IL1RAPL1: variants seen among roughly 807,000 people sequenced by gnomAD.
IL1RAPL1 encodes interleukin-1 receptor accessory protein-like 1.
IL1RAPL1 carries 3 observed loss-of-function variants against 48.4 expected under a neutral mutation model. That is an observed-to-expected ratio of 0.06 (90% CI 0.03 to 0.16). IL1RAPL1 has a LOEUF of 0.16. Among genes scored for constraint, IL1RAPL1 ranks in the 10% least tolerant of loss-of-function variants. The pLI is 1.00. For synonymous variants in IL1RAPL1, 185 were observed against 187.7 expected (o/e 0.99, Z 0.12); for missense variants, 349 against 530.6 (o/e 0.66, Z 3.36).
chrX:29,388,636 A>G (rs1434093507), intron 3 of IL1RAPL1, among the ~76,000 whole-genome samples: 2 of 112,324 alleles, frequency 1.8e-5, no homozygotes, highest in African/African-American at 6.5e-5. Flanking sequence ...TACAGCGTGG[A>G]TGAACCTTGA....
intron 3 of IL1RAPL1, among the ~76,000 whole-genome samples, chrX:29,389,961 A>G (rs1933833765): frequency 8.9e-6 from 1 of 112,202 alleles, no homozygotes; most frequent in African/African-American, 3.2e-5. Flanking sequence ...ATTAGTAGCT[A>G]CAAACATACT....
At chrX:28,644,116 G>A (rs1934580545) in intron 1 of IL1RAPL1, among the ~76,000 whole-genome samples, 1 of 107,923 alleles carries the variant, frequency 9.3e-6, no homozygotes, top group African/African-American at 3.4e-5. Flanking sequence ...TTTCTCCTAA[G>A]TGTTATATAT....
In IL1RAPL1 at chrX:29,044,071, A is replaced by G. The variant is rs1484777022; in HGVS notation, c.83-238867A>G. On this transcript the variant is annotated intron_variant, in intron 2 of 10. Transcript: ENST00000378993. ...ACAAAGGATTTTTATTACAATAACA[A>G]CCAGATGGAACTTTGAAGGAAATTT... Among the ~76,000 whole-genome samples, 4 of 112,244 alleles carry G rather than the reference A, an allele frequency of 3.6e-5. No individual in the cohort carries two copies. The East Asian group carries it at 1.1e-3, about 32-fold the overall frequency.
At chrX:29,662,623 C>G (rs1925879317) in intron 5 of IL1RAPL1, among the ~76,000 whole-genome samples, 1 of 111,098 alleles carries the variant, frequency 9.0e-6, no homozygotes, top group South Asian at 3.8e-4. Flanking sequence ...AATTACAAAC[C>G]ACACTTATCA....
At chrX:28,821,084 A>G (rs1936933067) in intron 2 of IL1RAPL1, among the ~76,000 whole-genome samples, 1 of 111,859 alleles carries the variant, frequency 8.9e-6, no homozygotes, top group African/African-American at 3.2e-5. Context: ...AAATATTAAA[A>G]GAAATATAAC....
intron 5 of IL1RAPL1, among the ~76,000 whole-genome samples, chrX:29,487,459 C>T (rs1304963664): frequency 9.0e-6 from 1 of 111,416 alleles, no homozygotes; most frequent in Non-Finnish European, 1.9e-5. Flanking sequence ...TGTATTGGAT[C>T]AGATATGTAC....
chrX:29,575,454 A>C (rs773292572), intron 5 of IL1RAPL1, among the ~76,000 whole-genome samples: 2 of 111,616 alleles, frequency 1.8e-5, no homozygotes, highest in East Asian at 5.7e-4. Flanking sequence ...AAGAGCCCAA[A>C]GGCCAAAGAA....
chrX:29,474,598 A>G (rs922887388), intron 5 of IL1RAPL1, among the ~76,000 whole-genome samples: 5 of 111,923 alleles, frequency 4.5e-5, no homozygotes, highest in Non-Finnish European at 9.4e-5. Flanking sequence ...AAATCATGGC[A>G]AGAAGGTGAA....
intron 2 of IL1RAPL1, among the ~76,000 whole-genome samples, chrX:28,796,000 A>T (rs1936607237): frequency 8.9e-6 from 1 of 111,762 alleles, no homozygotes; most frequent in African/African-American, 3.3e-5. Context: ...ATCATGGCGG[A>T]AGGCAAGGAG....
chrX:29,217,588 T>C (rs1479657117), intron 2 of IL1RAPL1, among the ~76,000 whole-genome samples: 1 of 111,848 alleles, frequency 8.9e-6, no homozygotes, highest in African/African-American at 3.2e-5. Context: ...CAGGTATTTA[T>C]CTTAAATAAT....
chrX:29,443,064 A>G (rs1256393272), intron 5 of IL1RAPL1, among the ~76,000 whole-genome samples: 2 of 111,062 alleles, frequency 1.8e-5, no homozygotes, highest in Non-Finnish European at 3.8e-5. Flanking sequence ...CCATTATACG[A>G]TGAAACCTTA....
At chrX:29,375,412 T>C (rs189511839) in intron 3 of IL1RAPL1, among the ~76,000 whole-genome samples, 3,853 of 111,297 alleles carry the variant, frequency 0.035, 155 homozygotes, top group African/African-American at 0.12. Context: ...GTGATCTGCC[T>C]GCCTTGGCCT....
At chrX:29,461,852 AC>A in intron 5 of IL1RAPL1, among the ~76,000 whole-genome samples, 1 of 111,930 alleles carries the variant, frequency 8.9e-6, no homozygotes, top group East Asian at 2.8e-4. Context: ...GGTTCCTGGG[AC>A]CAGGGGTAGA....
chrX:29,223,638 C>T lies in IL1RAPL1; in HGVS notation c.83-59300C>T, dbSNP rs145530123. On this transcript the variant is annotated intron_variant, in intron 2 of 10. Transcript: ENST00000378993. ...CGGCTCACTGCAACTTCCGCCTCCC[C>T]GGTTCAAGAGATTTTCCTGCCTTAG... Among the ~76,000 whole-genome samples, 106 of 108,487 alleles carry T rather than the reference C, an allele frequency of 9.8e-4. No individual in the cohort carries two copies. In the East Asian group the frequency reaches 0.028, roughly 29 times the overall value. 94.2% of individuals were successfully genotyped at this position (108,487 alleles called of 115,157 possible). A position where few individuals can be genotyped will look rare whatever the true frequency, so the allele number is the denominator to read the frequency against.
At chrX:29,486,485 C>A (rs918543518) in intron 5 of IL1RAPL1, among the ~76,000 whole-genome samples, 2 of 109,975 alleles carry the variant, frequency 1.8e-5, no homozygotes, top group Non-Finnish European at 3.8e-5. Context: ...CAGCATGACA[C>A]TATGTCTCTT....
intron 2 of IL1RAPL1, among the ~76,000 whole-genome samples, chrX:28,996,692 C>A (rs1455180378): frequency 1.8e-5 from 2 of 110,276 alleles, no homozygotes; most frequent in Non-Finnish European, 3.8e-5. Flanking sequence ...AATTAAGTGG[C>A]CTTAAGTACA....
Position 29,955,699 on chromosome X carries a change from T to G in IL1RAPL1, c.1970T>G (p.Ile657Ser). The part of the protein sequence containing the change: ...HTYCNIPMTL[I>S]NGQRPQTKSS... ...TACTGTAACATCCCTATGACACTCATCAACGGGCAGCGGCCACAGACAAAA... is the reference window on the plus strand; with the variant it reads ...TACTGTAACATCCCTATGACACTCAGCAACGGGCAGCGGCCACAGACAAAA... Residue 657 changes from isoleucine to serine, a missense_variant, in exon 11 of 11, where the codon ATC becomes AGC. Transcript: ENST00000378993. 1 of 1,211,443 alleles carries G rather than the reference T, an allele frequency of 8.3e-7. No homozygotes were observed. The highest frequency in any genetic ancestry group is 1.1e-6 in the Non-Finnish European group (1 of 895,373).
chrX:28,766,379 TAA>T lies in IL1RAPL1; in HGVS notation c.-24-22931_-24-22930del, dbSNP rs5901903. 1.7e-3 allele frequency among the ~76,000 whole-genome samples: 175 copies of T among 105,473 alleles called. 1 individual carries two copies. Among genetic ancestry groups the T allele is most frequent in the Middle Eastern group, 4.9e-3 (1 of 205 alleles). 91.6% of individuals were successfully genotyped at this position (105,473 alleles called of 115,157 possible). ...CAGCAGATTCAAATGACACACTCTT[TAA>T]AAAAAAAAATTATTATTTTTAGTTT... On this transcript the variant is annotated intron_variant, in intron 1 of 10. Coordinates refer to ENST00000378993, the MANE Select transcript of IL1RAPL1 (RefSeq NM_014271.4).
At chrX:29,533,951 G>A (rs886075881) in intron 5 of IL1RAPL1, among the ~76,000 whole-genome samples, 4 of 111,162 alleles carry the variant, frequency 3.6e-5, no homozygotes, top group African/African-American at 6.6e-5. Context: ...AGGTCTTGGA[G>A]GCTCCACCCT....
Sources: allele counts gnomAD v4.1 joint callset (sites outside exome capture counted in the v4.1 genomes callset), GRCh38; gene constraint gnomAD v4.1.1; transcripts MANE v1.5; gene names NCBI Gene and HGNC (gene_info 2026-07-23, HGNC 2026-07-21).